Variants in SNTG2 observed in about 807,000 individuals in gnomAD.
The protein encoded by SNTG2 is gamma-2-syntrophin.
SNTG2 carries 74 observed loss-of-function variants against 70.9 expected under a neutral mutation model. The ratio of observed to expected loss-of-function variants is 1.04; its 90% confidence interval spans 0.86 to 1.27. The LOEUF (loss-of-function observed/expected upper bound fraction) is 1.27, where lower values mean the gene tolerates loss of function less well. Ranked by LOEUF, SNTG2 falls within the 50% of genes most tolerant of loss-of-function variation. The pLI, the probability that SNTG2 is intolerant of heterozygous loss-of-function variation, is 0.00. For missense variants in SNTG2, 717 were observed against 690.7 expected, an observed-to-expected ratio of 1.04 and a Z score of -0.43; for synonymous variants, 278 against 273.8, an observed-to-expected ratio of 1.02 and a Z score of -0.15.
intron 8 of SNTG2, among the ~76,000 whole-genome samples, chr2:1,188,452 TAACA>T (rs1250440223): frequency 1.3e-5 from 2 of 151,912 alleles, no homozygotes; most frequent in Non-Finnish European, 2.9e-5. Context: ...GATAAAATAA[TAACA>T]AACAAGAAAA....
chr2:1,165,746 C>T (rs1670666717), intron 7 of SNTG2, 111 bp downstream of exon 7: 1 of 917,494 alleles, frequency 1.1e-6, no homozygotes, highest in Non-Finnish European at 1.7e-6. Flanking sequence ...GCTGAGTGTA[C>T]ATTCAGAGAG....
intron 1 of SNTG2, among the ~76,000 whole-genome samples, chr2:1,010,921 A>T (rs888407530): frequency 1.3e-5 from 2 of 152,210 alleles, no homozygotes; most frequent in Admixed American, 6.5e-5. Context: ...TCTGGACAGA[A>T]AATAGAAAAG....
chr2:1,324,471 A>G (rs1432005214), intron 16 of SNTG2, among the ~76,000 whole-genome samples: 1 of 152,232 alleles, frequency 6.6e-6, no homozygotes, highest in Admixed American at 6.5e-5. Flanking sequence ...AAGAGAACCT[A>G]TTCTATTAGG....
chr2:1,083,064 G>T (rs938783164), intron 1 of SNTG2, among the ~76,000 whole-genome samples: 2 of 151,968 alleles, frequency 1.3e-5, no homozygotes, highest in African/African-American at 4.8e-5. Context: ...CTTCCTCCTC[G>T]GCTGTCGTTA....
intron 8 of SNTG2, among the ~76,000 whole-genome samples, chr2:1,179,819 C>T (rs1450960319): frequency 6.9e-6 from 1 of 144,014 alleles, no homozygotes; most frequent in Non-Finnish European, 1.5e-5. Context: ...TCAAACTATA[C>T]TACAAGGCTA....
intron 9 of SNTG2, among the ~76,000 whole-genome samples, chr2:1,222,200 C>G (rs1053064430): frequency 4.0e-5 from 6 of 151,006 alleles, no homozygotes; most frequent in Non-Finnish European, 8.8e-5. Context: ...GCCTCTCAGT[C>G]GAGGATCTTT....
At chr2:1,078,348 C>T (rs375941251) in intron 1 of SNTG2, among the ~76,000 whole-genome samples, 44 of 152,208 alleles carry the variant, frequency 2.9e-4, no homozygotes, top group African/African-American at 9.9e-4. Flanking sequence ...GTGGGGATGG[C>T]GGAGTTCCGA....
At chr2:1,190,495 C>CTA (rs72001718) in intron 8 of SNTG2, among the ~76,000 whole-genome samples, 2,077 of 89,742 alleles carry the variant, frequency 0.023, 23 homozygotes, top group Middle Eastern at 0.056. Flanking sequence ...GGAGGGCTGA[C>CTA]TATATATATA....
At chr2:1,130,294 A>G (rs72766712) in intron 4 of SNTG2, among the ~76,000 whole-genome samples, 3 of 152,224 alleles carry the variant, frequency 2.0e-5, no homozygotes, top group African/African-American at 4.8e-5. Flanking sequence ...TTTCTAGCAA[A>G]CTCTGAGAAT....
At chr2:1,362,241 T>G (rs1661215392) in intron 16 of SNTG2, among the ~76,000 whole-genome samples, 1 of 151,300 alleles carries the variant, frequency 6.6e-6, no homozygotes, top group African/African-American at 2.4e-5. Context: ...ACTGAGTGTT[T>G]CAGTAGAACT....
At chr2:1,076,669 C>G (rs1307082448) in intron 1 of SNTG2, among the ~76,000 whole-genome samples, 1 of 152,088 alleles carries the variant, frequency 6.6e-6, no homozygotes, top group Non-Finnish European at 1.5e-5. Flanking sequence ...ATGCACTCAG[C>G]TGCATAAATA....
chr2:1,034,277 AC>A (rs2148041905), intron 1 of SNTG2, among the ~76,000 whole-genome samples: 1 of 152,282 alleles, frequency 6.6e-6, no homozygotes, highest in Non-Finnish European at 1.5e-5. Context: ...CTACAAAAAA[AC>A]TTGATCTCAT....
chr2:1,055,778 G>A (rs1054190174), intron 1 of SNTG2, among the ~76,000 whole-genome samples: 5 of 152,138 alleles, frequency 3.3e-5, no homozygotes, highest in Non-Finnish European at 5.9e-5. Flanking sequence ...ATTTTCTAAG[G>A]TGACCGTGCC....
chr2:1,306,292 A>G (rs766117375), intron 14 of SNTG2, among the ~76,000 whole-genome samples: 2 of 152,100 alleles, frequency 1.3e-5, no homozygotes, highest in Non-Finnish European at 2.9e-5. Context: ...TGGAAGGGTC[A>G]GGAGCTGTGT....
intron 15 of SNTG2, among the ~76,000 whole-genome samples, chr2:1,311,478 G>T (rs1680987140): frequency 6.6e-6 from 1 of 152,100 alleles, no homozygotes; most frequent in Non-Finnish European, 1.5e-5. Flanking sequence ...AACTGTGAAG[G>T]ATAAACCAAT....
At position 1,098,371 on chromosome 2, in the gene SNTG2, G is replaced by A. The variant is rs754051995; in HGVS notation, c.286G>A (p.Val96Ile). 3.7e-6 allele frequency: 6 copies of A among 1,613,800 alleles called. No individual in the cohort carries two copies. The highest frequency in any genetic ancestry group is 2.2e-5 in the East Asian group (1 of 44,882). The change falls in exon 4 of 17, where the codon GTC (valine) becomes ATC (isoleucine). Residue 96 changes from valine (V) to isoleucine (I), a missense_variant. By Grantham distance (29) the Val-to-Ile change is conservative. Coordinates refer to ENST00000308624, the MANE Select transcript of SNTG2 (RefSeq NM_018968.4). The stretch of plus-strand genomic sequence containing the variant: ...CTTTCAGGGAGGTTCTGAGCACAAC[G>A]TCCCTGTCGTCATATCAAAAATATT... ...LSIKGGSEHN[V>I]PVVISKIFED...
At chr2:992,348 C>T (rs534288076) in intron 1 of SNTG2, among the ~76,000 whole-genome samples, 3 of 152,172 alleles carry the variant, frequency 2.0e-5, no homozygotes, top group East Asian at 3.9e-4. Flanking sequence ...ATAAATATCC[C>T]TACTGAAGAA....
At chr2:1,012,512 TAA>T (rs1558309759) in intron 1 of SNTG2, among the ~76,000 whole-genome samples, 9 of 151,690 alleles carry the variant, frequency 5.9e-5, no homozygotes. Flanking sequence ...GATTTATTCA[TAA>T]AGGCAGAGAG....
intron 1 of SNTG2, among the ~76,000 whole-genome samples, chr2:990,693 A>G (rs1661460360): frequency 1.3e-5 from 2 of 152,176 alleles, no homozygotes; most frequent in African/African-American, 4.8e-5. Flanking sequence ...ATTTTTTGTC[A>G]GTTCTATGCA....
Sources: allele counts gnomAD v4.1 joint callset (sites outside exome capture counted in the v4.1 genomes callset), GRCh38; gene constraint gnomAD v4.1.1; transcripts MANE v1.5; gene names NCBI Gene and HGNC (gene_info 2026-07-23, HGNC 2026-07-21).